The following UST variants were observed in gnomAD, a reference collection of about 807,000 sequenced individuals.
UST encodes chondroitin sulfate 2-O-sulfotransferase.
In UST, 21 loss-of-function variants were observed where a neutral mutation model predicts 45.6. The observed-to-expected ratio is 0.46, with a 90% CI of 0.33 to 0.66. The LOEUF is 0.66. Among genes scored for constraint, UST ranks in the 30% least tolerant of loss-of-function variants. The pLI is 0.02. For synonymous variants in UST, 215 were observed against 200.6 expected (o/e 1.07, Z -0.61); for missense variants, 463 against 512.4 (o/e 0.90, Z 0.93).
chr6:148,952,746 T>A (rs1398172447), intron 3 of UST, among the ~76,000 whole-genome samples: 2 of 152,230 alleles, frequency 1.3e-5, no homozygotes. Flanking sequence ...TTTTTCAACT[T>A]GAACTATTTC....
intron 1 of UST, among the ~76,000 whole-genome samples, chr6:148,798,187 G>A (rs149422483): frequency 6.6e-6 from 1 of 152,324 alleles, no homozygotes; most frequent in African/African-American, 2.4e-5. Context: ...TAGAGAATGA[G>A]AATCTCCTGG....
intron 1 of UST, among the ~76,000 whole-genome samples, chr6:148,877,769 T>C (rs1315790895): frequency 8.9e-6 from 1 of 112,118 alleles, no homozygotes; most frequent in Non-Finnish European, 1.8e-5. Flanking sequence ...TGAGGGGTCA[T>C]GAATGAGTGC....
chr6:148,964,490 G>C lies in UST; in HGVS notation c.608G>C (p.Arg203Pro). The C allele has an allele frequency of 6.2e-7, 1 of 1,614,110 alleles. No homozygotes were observed. Among genetic ancestry groups the C allele is most frequent in the Non-Finnish European group, 8.5e-7 (1 of 1,180,026 alleles). ...NRFLSNYFFR[R>P]FGDWRGEQNH... ...TTCTTATCCAACTATTTTTTCCGTC[G>C]CTTTGGAGACTGGAGAGGGGAACAA... The change falls in exon 5 of 8, where the codon CGC (arginine) becomes CCC (proline). Residue 203 changes from arginine (R) to proline (P), a missense_variant. Physicochemically the swap from Arg to Pro is moderately radical, Grantham distance 103. This residue lies in a region of UST where 287 missense variants were observed against 374.2 expected (regional missense o/e 0.77). Transcript: ENST00000367463.
intron 7 of UST, among the ~76,000 whole-genome samples, chr6:149,042,208 GA>G (rs947707527): frequency 2.6e-5 from 4 of 151,032 alleles, no homozygotes; most frequent in Non-Finnish European, 4.4e-5. Flanking sequence ...AGGCTCCTTA[GA>G]AAAAAAAATC....
At chr6:149,062,956 T>G (rs1166178216) in intron 7 of UST, among the ~76,000 whole-genome samples, 1 of 152,264 alleles carries the variant, frequency 6.6e-6, no homozygotes, top group Non-Finnish European at 1.5e-5. Flanking sequence ...TTCGGGCTAC[T>G]ATTTGTAAAG....
At chr6:148,860,102 C>T (rs1247226619) in intron 1 of UST, among the ~76,000 whole-genome samples, 19 of 152,252 alleles carry the variant, frequency 1.2e-4, no homozygotes, top group African/African-American at 3.6e-4. Flanking sequence ...GCCATTTTCA[C>T]GATATTGATT....
intron 4 of UST, among the ~76,000 whole-genome samples, chr6:148,956,316 C>T (rs1379335393): frequency 1.3e-5 from 2 of 152,130 alleles, no homozygotes; most frequent in Admixed American, 1.3e-4. Context: ...TACAGTTCCA[C>T]GTGGCTGGGG....
At chr6:148,953,824 C>A in intron 3 of UST, 48 bp from the exon 4 acceptor site, 3 of 1,033,676 alleles carry the variant, frequency 2.9e-6, no homozygotes, top group South Asian at 3.4e-5. Flanking sequence ...CTTAATATGG[C>A]TTGGTAAATT....
At position 148,801,885 on chromosome 6, in the gene UST, TG is replaced by T. The variant is rs1777063671; in HGVS notation, c.247+54210del. Among the ~76,000 whole-genome samples, 6 of 152,320 alleles carry T rather than the reference TG, an allele frequency of 3.9e-5. No individual in the cohort carries two copies. In the South Asian group the frequency reaches 1.2e-3, roughly 32 times the overall value. ...GACTCTGTCTGTCAGGTCAAATAGA[TG>T]GAAGTTGAAGTTTGAAGATTTGGGT... On this transcript the variant is annotated intron_variant, in intron 1 of 7. Coordinates refer to ENST00000367463, the MANE Select transcript of UST (RefSeq NM_005715.3).
At chr6:148,873,438 G>A (rs1778595198) in intron 1 of UST, among the ~76,000 whole-genome samples, 1 of 152,090 alleles carries the variant, frequency 6.6e-6, no homozygotes, top group Admixed American at 6.5e-5. Context: ...GTCCTCGATG[G>A]GCGAGGGACA....
intron 1 of UST, among the ~76,000 whole-genome samples, chr6:148,859,322 C>A (rs1399339533): frequency 1.3e-5 from 2 of 152,168 alleles, no homozygotes; most frequent in Admixed American, 6.5e-5. Flanking sequence ...ATCCTTTGCC[C>A]ACTTTTTGAT....
At chr6:149,019,463 T>C (rs1383328286) in intron 6 of UST, among the ~76,000 whole-genome samples, 1 of 152,234 alleles carries the variant, frequency 6.6e-6, no homozygotes, top group East Asian at 1.9e-4. Context: ...GACCACCATA[T>C]AAAGCTTTGT....
At chr6:148,988,345 G>A (rs11754095) in intron 5 of UST, among the ~76,000 whole-genome samples, 10,660 of 151,956 alleles carry the variant, frequency 0.07, 513 homozygotes, top group Middle Eastern at 0.14. Flanking sequence ...AGGTCAAAGC[G>A]GGTGAATCAC....
At chr6:148,927,850 A>G (rs529947659) in intron 2 of UST, among the ~76,000 whole-genome samples, 2 of 152,326 alleles carry the variant, frequency 1.3e-5, no homozygotes, top group Admixed American at 6.5e-5. Context: ...CAGCTTTTTG[A>G]TGGTCCAACT....
chr6:148,933,506 G>A (rs1221779211), intron 2 of UST, among the ~76,000 whole-genome samples: 1 of 152,214 alleles, frequency 6.6e-6, no homozygotes, highest in Non-Finnish European at 1.5e-5. Context: ...AGCTCTTGGA[G>A]AAGATGGGCT....
intron 3 of UST, among the ~76,000 whole-genome samples, chr6:148,947,609 A>C (rs146130850): frequency 1.3e-3 from 200 of 152,346 alleles, no homozygotes; most frequent in African/African-American, 4.4e-3. Flanking sequence ...AAACCCCTGA[A>C]GACTCCATGC....
At chr6:148,806,080 CT>C (rs58176324) in intron 1 of UST, among the ~76,000 whole-genome samples, 17 of 149,844 alleles carry the variant, frequency 1.1e-4, no homozygotes, top group South Asian at 8.4e-4. Context: ...CAAAGGGACG[CT>C]TTTTTTTTTC....
intron 2 of UST, among the ~76,000 whole-genome samples, chr6:148,895,829 C>T (rs996302141): frequency 6.6e-6 from 1 of 152,240 alleles, no homozygotes; most frequent in East Asian, 1.9e-4. Context: ...GTAAATTACC[C>T]AGTCTTGGGT....
chr6:149,017,799 T>TATATATATATATATATATAC (rs956279478), intron 5 of UST, among the ~76,000 whole-genome samples: 1 of 148,808 alleles, frequency 6.7e-6, no homozygotes, highest in African/African-American at 2.5e-5. Context: ...TATCCATATA[T>TATATATATATATATATATAC]ACACACACAC....
Sources: allele counts gnomAD v4.1 joint callset (sites outside exome capture counted in the v4.1 genomes callset), GRCh38; gene constraint gnomAD v4.1.1; regional missense constraint gnomAD v4.1.1; transcripts MANE v1.5; gene names NCBI Gene and HGNC (gene_info 2026-07-23, HGNC 2026-07-21).